MRPL3: variants seen among roughly 807,000 people sequenced by gnomAD.
MRPL3 encodes the protein mitochondrial ribosomal protein L3.
Under a neutral mutation model 44.3 loss-of-function variants are expected in MRPL3, and 43 were observed. The observed-to-expected ratio is 0.97, with a 90% CI of 0.76 to 1.25. The LOEUF is 1.25. Among genes scored for constraint, MRPL3 ranks in the 50% most tolerant of loss-of-function variants. The pLI is 0.00. For missense variants in MRPL3, 406 were observed against 427.6 expected (o/e 0.95, Z 0.45); for synonymous variants, 171 against 152.3 (o/e 1.12, Z -0.91).
In MRPL3 at chr3:131,498,191, T is replaced by C. The variant is rs1559833567; in HGVS notation, c.456A>G (p.Val152=). The change falls in exon 4 of 10, where the codon GTA becomes GTG. Residue 152 remains valine (V), a synonymous_variant. Transcript: ENST00000264995. The stretch of plus-strand genomic sequence containing the variant: ...AATACATCCTTACACGAAAACGTGA[T>C]ACAGTTTTTCCTCCTACAGACAGGG... ...MATLSVGGKT[V]SRFRKATSIL... 1.2e-6 allele frequency: 2 copies of C among 1,602,836 alleles called. No individual in the cohort carries two copies. Among genetic ancestry groups the C allele is most frequent in the Non-Finnish European group, 8.5e-7 (1 of 1,169,918 alleles).
chr3:131,469,498 CT>C (rs1933694215), intron 8 of MRPL3, among the ~76,000 whole-genome samples, 197 bp downstream of exon 8: 1 of 150,456 alleles, frequency 6.6e-6, no homozygotes, highest in Non-Finnish European at 1.5e-5. Flanking sequence ...GAAATATACC[CT>C]ATCATTACTA....
At chr3:131,487,568 A>G (rs189563257) in intron 6 of MRPL3, 112 bp downstream of exon 6, 232 of 848,630 alleles carry the variant, frequency 2.7e-4, no homozygotes, top group Admixed American at 1.9e-3. Context: ...CAGAATGAGA[A>G]ATATATTTAT....
intron 9 of MRPL3, among the ~76,000 whole-genome samples, chr3:131,465,891 C>CTTTTTTTTTTT (rs55635822): frequency 3.0e-5 from 4 of 133,348 alleles, no homozygotes; most frequent in Non-Finnish European, 4.6e-5. Flanking sequence ...CTTTTTCTCT[C>CTTTTTTTTTTT]TTTTTTTTTT....
At chr3:131,475,180 G>A (rs545588788) in intron 6 of MRPL3, among the ~76,000 whole-genome samples, 14 of 151,980 alleles carry the variant, frequency 9.2e-5, no homozygotes, top group East Asian at 3.9e-4. Flanking sequence ...CCCCACCAAC[G>A]TTAGCTATTA....
intron 8 of MRPL3, 89 bp from the exon 9 acceptor site, chr3:131,468,257 GTAA>G: frequency 1.4e-6 from 1 of 704,336 alleles, no homozygotes; most frequent in Non-Finnish European, 2.4e-6. Flanking sequence ...TGCTTGTAAA[GTAA>G]TAAAAGATTA....
intron 9 of MRPL3, among the ~76,000 whole-genome samples, chr3:131,465,051 C>T (rs865980928): frequency 6.6e-6 from 1 of 152,184 alleles, no homozygotes; most frequent in African/African-American, 2.4e-5. Context: ...TGGGCAGATA[C>T]TTTAAGGTTA....
intron 9 of MRPL3, among the ~76,000 whole-genome samples, chr3:131,466,144 A>T (rs1332285753): frequency 6.6e-6 from 1 of 152,076 alleles, no homozygotes; most frequent in Non-Finnish European, 1.5e-5. Flanking sequence ...TAATTTTAAA[A>T]AGCAAAATTC....
At chr3:131,488,640 A>C (rs145005550) in intron 5 of MRPL3, 61 of 152,174 alleles carry the variant, frequency 4.0e-4, no homozygotes, top group African/African-American at 1.2e-3. Flanking sequence ...AATAAGATAC[A>C]TTTTTTTAAA....
At chr3:131,486,729 A>C (rs1934134471) in intron 6 of MRPL3, among the ~76,000 whole-genome samples, 1 of 152,298 alleles carries the variant, frequency 6.6e-6, no homozygotes, top group African/African-American at 2.4e-5. Flanking sequence ...CCGGTCATCA[A>C]AGAAATGCAA....
chr3:131,469,221 TACACACACACACGC>T (rs1002591749), intron 8 of MRPL3, among the ~76,000 whole-genome samples: 92 of 150,492 alleles, frequency 6.1e-4, no homozygotes, highest in Non-Finnish European at 1.1e-3. Flanking sequence ...TCCTTACACT[TACACACACACACGC>T]ACACACACAC....
At chr3:131,463,298 G>T (rs1235817503) in intron 9 of MRPL3, among the ~76,000 whole-genome samples, 1 of 151,310 alleles carries the variant, frequency 6.6e-6, no homozygotes, top group Non-Finnish European at 1.5e-5. Flanking sequence ...AAGGAAATCA[G>T]CTTACATTTT....
chr3:131,484,913 G>A (rs1272246928), intron 6 of MRPL3, among the ~76,000 whole-genome samples: 2 of 152,084 alleles, frequency 1.3e-5, no homozygotes, highest in African/African-American at 4.8e-5. Flanking sequence ...ACACACATGC[G>A]AGGAAAACCC....
At chr3:131,484,282 G>A (rs970178879) in intron 6 of MRPL3, among the ~76,000 whole-genome samples, 1 of 152,122 alleles carries the variant, frequency 6.6e-6, no homozygotes, top group Non-Finnish European at 1.5e-5. Context: ...ATATCACCTG[G>A]AAACTTGGTA....
At chr3:131,465,500 G>A (rs970175504) in intron 9 of MRPL3, among the ~76,000 whole-genome samples, 4 of 152,152 alleles carry the variant, frequency 2.6e-5, no homozygotes. Flanking sequence ...AGAAGTCACA[G>A]CAATTAATGG....
intron 2 of MRPL3, among the ~76,000 whole-genome samples, chr3:131,500,777 A>G (rs1410846323): frequency 6.6e-6 from 1 of 152,218 alleles, no homozygotes; most frequent in Non-Finnish European, 1.5e-5. Flanking sequence ...GAAAACAGAT[A>G]AGTTAGGTAT....
intron 9 of MRPL3, among the ~76,000 whole-genome samples, chr3:131,466,075 T>A (rs1339623471): frequency 2.0e-5 from 3 of 151,936 alleles, no homozygotes; most frequent in African/African-American, 7.3e-5. Flanking sequence ...CTTAAATGCA[T>A]TTTTTTCTTT....
At chr3:131,485,565 A>C (rs143687239) in intron 6 of MRPL3, among the ~76,000 whole-genome samples, 13 of 152,270 alleles carry the variant, frequency 8.5e-5, no homozygotes, top group Non-Finnish European at 1.6e-4. Flanking sequence ...AGTTCTGCCA[A>C]AGGAATGCAA....
chr3:131,479,428 T>C (rs2110702658), intron 6 of MRPL3, among the ~76,000 whole-genome samples: 1 of 152,318 alleles, frequency 6.6e-6, no homozygotes, highest in East Asian at 1.9e-4. Flanking sequence ...AAGAAATTAC[T>C]GGTTTAAAAA....
intron 6 of MRPL3, among the ~76,000 whole-genome samples, chr3:131,485,264 C>A (rs1207697810): frequency 6.6e-6 from 1 of 152,142 alleles, no homozygotes. Context: ...TGAAAGCATT[C>A]ACTGAAGATA....
Sources: allele counts gnomAD v4.1 joint callset (sites outside exome capture counted in the v4.1 genomes callset), GRCh38; gene constraint gnomAD v4.1.1; transcripts MANE v1.5; gene names NCBI Gene and HGNC (gene_info 2026-07-23, HGNC 2026-07-21).